Variants in NRG3 observed in about 807,000 individuals in gnomAD.
NRG3 encodes the protein neuregulin 3.
A neutral mutation model predicts 66.9 loss-of-function variants in NRG3; 31 were observed. The ratio of observed to expected loss-of-function variants is 0.46; its 90% CI spans 0.35 to 0.63. The LOEUF is 0.63. Among genes scored for constraint, NRG3 ranks in the 20% least tolerant of loss-of-function variants. The pLI is 0.00. For synonymous variants in NRG3, 393 were observed against 359.4 expected (o/e 1.09, Z -1.06); for missense variants, 910 against 878.9 (o/e 1.04, Z -0.45).
At chr10:82,640,026 G>C (rs571928570) in intron 2 of NRG3, among the ~76,000 whole-genome samples, 179 of 152,168 alleles carry the variant, frequency 1.2e-3, no homozygotes, top group Non-Finnish European at 2.0e-3. Context: ...GCAGTATTTA[G>C]TTTTCTGTTC....
intron 1 of NRG3, among the ~76,000 whole-genome samples, chr10:82,339,417 G>A (rs765313601): frequency 5.2e-4 from 79 of 152,146 alleles, no homozygotes; most frequent in South Asian, 2.1e-4. Flanking sequence ...CAGCAGGGGA[G>A]AGAATGAGGG....
intron 1 of NRG3, among the ~76,000 whole-genome samples, chr10:81,976,227 TGGAAA>T (rs1285798338): frequency 1.3e-5 from 2 of 152,118 alleles, no homozygotes; most frequent in South Asian, 2.1e-4. Context: ...CTTCTGTATG[TGGAAA>T]GAAAGTGGCC....
intron 2 of NRG3, among the ~76,000 whole-genome samples, chr10:82,734,149 G>A (rs926983430): frequency 6.6e-6 from 1 of 152,162 alleles, no homozygotes; most frequent in Non-Finnish European, 1.5e-5. Flanking sequence ...CATCCTTGCT[G>A]GTACTGTTCG....
In NRG3 at chr10:82,448,827, T is replaced by C. The variant is rs180688927; in HGVS notation, c.953+89959T>C. On this transcript the variant is annotated intron_variant, in intron 2 of 8. Coordinates refer to ENST00000372141, the MANE Select transcript of NRG3 (RefSeq NM_001010848.4). ...ATAATTGTCTATAATTCAGCAATTA[T>C]GTGTATATATATATTTATTTATTTG... Among the ~76,000 whole-genome samples, 271 of 152,186 alleles carry C rather than the reference T, an allele frequency of 1.8e-3. 1 individual carries two copies. Among genetic ancestry groups the C allele is most frequent in the African/African-American group, 6.1e-3 (253 of 41,454 alleles).
At chr10:82,185,111 G>T (rs2073715568) in intron 1 of NRG3, among the ~76,000 whole-genome samples, 1 of 152,028 alleles carries the variant, frequency 6.6e-6, no homozygotes. Context: ...AAAACAAGAG[G>T]CTAGCCCTGG....
At chr10:81,983,967 A>G (rs1328336978) in intron 1 of NRG3, among the ~76,000 whole-genome samples, 1 of 151,964 alleles carries the variant, frequency 6.6e-6, no homozygotes, top group Non-Finnish European at 1.5e-5. Context: ...TGTTTTTATG[A>G]AAATAAATAA....
intron 2 of NRG3, among the ~76,000 whole-genome samples, chr10:82,481,080 G>T (rs930605935): frequency 1.3e-5 from 2 of 152,098 alleles, no homozygotes; most frequent in African/African-American, 4.8e-5. Context: ...CTCTGCCAAG[G>T]AGCTTGCTGT....
intron 1 of NRG3, among the ~76,000 whole-genome samples, chr10:82,209,152 T>C (rs757421151): frequency 1.1e-4 from 17 of 152,154 alleles, no homozygotes; most frequent in Non-Finnish European, 2.2e-4. Flanking sequence ...GCATCAGAAA[T>C]TCTCAGAATA....
At position 82,622,497 on chromosome 10, in the gene NRG3, C is replaced by T. The variant is rs1196734211; in HGVS notation, c.954-116080C>T. Among the ~76,000 whole-genome samples, 5 of 152,304 alleles carry T rather than the reference C, an allele frequency of 3.3e-5. No individual in the cohort carries two copies. In the East Asian group the frequency reaches 5.8e-4, roughly 18 times the overall value. ...TAAACCTAAAAACAGAAATTATACA[C>T]GCACAGACGGCCTCTAACTTATGAC... On this transcript the variant is annotated intron_variant, in intron 2 of 8. Coordinates refer to ENST00000372141, the MANE Select transcript of NRG3 (RefSeq NM_001010848.4).
chr10:82,390,343 TG>T (rs78491872), intron 2 of NRG3, among the ~76,000 whole-genome samples: 9,173 of 151,710 alleles, frequency 0.06, 389 homozygotes, highest in East Asian at 0.23. Context: ...TGTTTTTTTG[TG>T]GGGGGGCTGG....
chr10:82,514,260 C>T (rs1288000521), intron 2 of NRG3, among the ~76,000 whole-genome samples: 1 of 152,092 alleles, frequency 6.6e-6, no homozygotes, highest in Non-Finnish European at 1.5e-5. Context: ...GAAGTCTTTG[C>T]CCATCTATGT....
At chr10:82,882,197 G>A (rs564348485) in intron 4 of NRG3, among the ~76,000 whole-genome samples, 1 of 152,196 alleles carries the variant, frequency 6.6e-6, no homozygotes, top group Admixed American at 6.5e-5. Context: ...TGTATAAGGC[G>A]CTTATGTGTT....
intron 1 of NRG3, among the ~76,000 whole-genome samples, chr10:82,175,149 C>T (rs1029761148): frequency 6.6e-6 from 1 of 152,122 alleles, no homozygotes; most frequent in Admixed American, 6.6e-5. Context: ...TTTCTGTCAT[C>T]CTCTCTGAGT....
At chr10:82,139,296 A>T (rs1268668966) in intron 1 of NRG3, among the ~76,000 whole-genome samples, 2 of 152,156 alleles carry the variant, frequency 1.3e-5, no homozygotes, top group Non-Finnish European at 2.9e-5. Flanking sequence ...ATTAATTTCT[A>T]TTTAAGTTGT....
At chr10:82,846,416 A>G (rs1393497438) in intron 3 of NRG3, among the ~76,000 whole-genome samples, 1 of 152,226 alleles carries the variant, frequency 6.6e-6, no homozygotes, top group Non-Finnish European at 1.5e-5. Flanking sequence ...TGCTCTCCAC[A>G]GATTTATTAA....
intron 2 of NRG3, among the ~76,000 whole-genome samples, chr10:82,717,805 C>T (rs1452323342): frequency 6.6e-6 from 1 of 151,912 alleles, no homozygotes; most frequent in Non-Finnish European, 1.5e-5. Flanking sequence ...TGTAACACTC[C>T]CAGTGGCAGA....
At position 81,929,184 on chromosome 10, in the gene NRG3, G is replaced by GA. The variant is rs552452619; in HGVS notation, c.823+53025dup. 1.2e-3 allele frequency among the ~76,000 whole-genome samples: 180 copies of GA among 152,046 alleles called. 1 individual carries two copies. Among genetic ancestry groups the GA allele is most frequent in the Middle Eastern group, 0.01 (3 of 294 alleles). On this transcript the variant is annotated intron_variant, in intron 1 of 8. Transcript: ENST00000372141. ...GCAGAGTGGCCTACGTCATGACATG[G>GA]AAAATTTAGTCAATTATGGTGAACA...
chr10:82,542,377 A>T (rs1018674841), intron 2 of NRG3, among the ~76,000 whole-genome samples: 1 of 152,230 alleles, frequency 6.6e-6, no homozygotes, highest in African/African-American at 2.4e-5. Flanking sequence ...GAGGAGAGTC[A>T]ATTTATCAGG....
At chr10:82,210,526 T>A (rs777506787) in intron 1 of NRG3, among the ~76,000 whole-genome samples, 8 of 152,122 alleles carry the variant, frequency 5.3e-5, no homozygotes, top group Non-Finnish European at 8.8e-5. Flanking sequence ...ATTTCAAACT[T>A]TGGGGCTGGA....
Sources: gnomAD v4.1 joint callset for allele counts (sites outside exome capture counted in the v4.1 genomes callset) on GRCh38, gnomAD v4.1.1 for gene constraint, MANE v1.5 for transcripts, NCBI Gene and HGNC (gene_info 2026-07-23, HGNC 2026-07-21) for gene names.